LRRC53: variants seen among roughly 807,000 people sequenced by gnomAD.
The protein encoded by LRRC53 is leucine-rich repeat-containing protein 53.
In LRRC53, 25 loss-of-function variants were observed where a neutral mutation model predicts 13.6. That is an observed-to-expected ratio of 1.83 (90% CI 1.34 to 2.56). The LOEUF (loss-of-function observed/expected upper bound fraction) is 2.56, where lower values mean the gene tolerates loss of function less well. Ranked by LOEUF, LRRC53 falls within the 30% of genes most tolerant of loss-of-function variation. The pLI is 0.00. For missense variants in LRRC53, 527 were observed against 275.8 expected (o/e 1.91, Z -6.45); for synonymous variants, 204 against 109.8 (o/e 1.86, Z -5.37).
At chr1:74,475,173 G>T (rs1445980021) in intron 4 of LRRC53, 122 bp downstream of exon 4, 1 of 498,862 alleles carries the variant, frequency 2.0e-6, no homozygotes, top group African/African-American at 2.1e-5. Context: ...TTTTAGAAAA[G>T]GAATAGACTA....
At chr1:74,503,786 G>A (rs748895414) in intron 1 of LRRC53, among the ~76,000 whole-genome samples, 10 of 152,128 alleles carry the variant, frequency 6.6e-5, no homozygotes, top group Admixed American at 2.6e-4. Context: ...TTCTTGAAAT[G>A]CCCATAGGTT....
chr1:74,526,094 G>A, the LRRC53 span, among the ~76,000 whole-genome samples: 1 of 152,158 alleles, frequency 6.6e-6, no homozygotes, highest in East Asian at 1.9e-4. Context: ...CCTCCTTAGG[G>A]TATTTCAAAT....
chr1:74,499,749 C>A (rs1220534501), intron 1 of LRRC53, among the ~76,000 whole-genome samples: 2 of 152,026 alleles, frequency 1.3e-5, no homozygotes, highest in African/African-American at 2.4e-5. Flanking sequence ...GATCTGACAT[C>A]TTTATAATAT....
the LRRC53 span, among the ~76,000 whole-genome samples, chr1:74,528,223 G>A: frequency 6.6e-6 from 1 of 152,164 alleles, no homozygotes; most frequent in Non-Finnish European, 1.5e-5. Context: ...AAGGAAGTTG[G>A]AGCATAAGGG....
chr1:74,530,266 A>T, the LRRC53 span, among the ~76,000 whole-genome samples: 1 of 152,232 alleles, frequency 6.6e-6, no homozygotes, highest in Non-Finnish European at 1.5e-5. Flanking sequence ...AGAGATAGGG[A>T]TATAGCCATA....
the LRRC53 span, among the ~76,000 whole-genome samples, chr1:74,524,756 TA>T: frequency 1.0e-4 from 14 of 137,380 alleles, no homozygotes; most frequent in South Asian, 4.6e-4. Flanking sequence ...TTTAAAAAAG[TA>T]AAAAAAAAAA....
intron 3 of LRRC53, among the ~76,000 whole-genome samples, chr1:74,478,476 A>C (rs1470945675): frequency 2.0e-5 from 3 of 152,190 alleles, no homozygotes; most frequent in Non-Finnish European, 2.9e-5. Context: ...AACAGATGTA[A>C]AAGTAACTAA....
At chr1:74,535,454 A>G in the LRRC53 span, among the ~76,000 whole-genome samples, 2 of 152,146 alleles carry the variant, frequency 1.3e-5, no homozygotes, top group East Asian at 3.9e-4. Flanking sequence ...TGGGTGACTG[A>G]GAGGGACCGT....
intron 1 of LRRC53, among the ~76,000 whole-genome samples, chr1:74,510,594 G>A (rs779643419): frequency 6.6e-6 from 1 of 152,164 alleles, no homozygotes; most frequent in Non-Finnish European, 1.5e-5. Context: ...AAATTAAACA[G>A]CACCTTGTCT....
At chr1:74,473,530 C>CT (rs1309147266) in intron 4 of LRRC53, among the ~76,000 whole-genome samples, 2 of 99,826 alleles carry the variant, frequency 2.0e-5, no homozygotes, top group African/African-American at 7.7e-5. Context: ...ATTTAAAAGG[C>CT]TATTTTTTTT....
At chr1:74,489,274 G>C in intron 1 of LRRC53, 1 of 1,600,590 alleles carries the variant, frequency 6.2e-7, no homozygotes, top group Non-Finnish European at 8.5e-7. Flanking sequence ...TCTGAAATAT[G>C]TCCATAAAAA....
Position 74,471,145 on chromosome 1 carries a change from C to T in LRRC53, c.2477G>A (p.Cys826Tyr), listed in dbSNP as rs1667913354. 3 of 400,696 alleles carry T rather than the reference C, an allele frequency of 7.5e-6. No individual in the cohort carries two copies. Among genetic ancestry groups the T allele is most frequent in the Admixed American group, 4.4e-5 (1 of 22,738 alleles). 24.8% of individuals were successfully genotyped at this position (400,696 alleles called of 1,614,324 possible). ...VVNQSSIESS[C>Y]YSAGHIPDGN... ...ATCAGGAATGTGGCCAGCTGAGTAA[C>T]AGCTGCTTTCTATAGAGCTCTGGTT... Residue 826 changes from cysteine to tyrosine, a missense_variant, in exon 5 of 5, where the codon TGT becomes TAT. By Grantham distance (194) the Cys-to-Tyr change is radical. Transcript: ENST00000294635.
At chr1:74,507,309 T>C (rs770512066) in intron 1 of LRRC53, among the ~76,000 whole-genome samples, 1 of 147,878 alleles carries the variant, frequency 6.8e-6, no homozygotes, top group Non-Finnish European at 1.5e-5. Context: ...CTGTAGGAAG[T>C]TGTCCTAAAT....
Position 74,470,885 on chromosome 1 carries a change from A to G in LRRC53, c.2737T>C (p.Ser913Pro). The part of the protein sequence containing the change: ...ESTEHMGQNV[S>P]KTSELNQFSL... The stretch of plus-strand genomic sequence containing the variant: ...AACTGATTTAACTCACTGGTCTTTG[A>G]TACATTCTGTCCCATGTGCTCAGTG... The change falls in exon 5 of 5, where the codon TCA (serine) becomes CCA (proline). Residue 913 changes from serine (S) to proline (P), a missense_variant. By Grantham distance (74) the Ser-to-Pro change is moderately conservative. Transcript: ENST00000294635. 2.5e-6 allele frequency: 1 copy of G among 400,678 alleles called. No individual in the cohort carries two copies. Among genetic ancestry groups the G allele is most frequent in the East Asian group, 3.6e-5 (1 of 28,064 alleles). 24.8% of individuals were successfully genotyped at this position (400,678 alleles called of 1,614,324 possible). A position where few individuals can be genotyped will look rare whatever the true frequency, so the allele number is the denominator to read the frequency against.
At chr1:74,535,860 C>CT in the LRRC53 span, among the ~76,000 whole-genome samples, 26 of 152,272 alleles carry the variant, frequency 1.7e-4, no homozygotes, top group Middle Eastern at 3.4e-3. Flanking sequence ...CCCCTTCTTA[C>CT]TTACAAAGCA....
chr1:74,531,034 A>C, the LRRC53 span, among the ~76,000 whole-genome samples: 1 of 152,302 alleles, frequency 6.6e-6, no homozygotes, highest in African/African-American at 2.4e-5. Flanking sequence ...AAATGGGGGA[A>C]GCTGAGACCT....
At position 74,480,150 on chromosome 1, in the gene LRRC53, T is replaced by C. The variant is rs1668409154; in HGVS notation, c.904+3A>G. On this transcript the variant is annotated splice_donor_region_variant and intron_variant, in intron 3 of 4. Coordinates refer to ENST00000294635, the MANE Select transcript of LRRC53 (RefSeq NM_001382280.1). ...GAGGAGGGCACACTTCTCCCCGGCATACCTGCGAAGCCAAGGACAGTCAGC... is the reference window on the plus strand; with the variant it reads ...GAGGAGGGCACACTTCTCCCCGGCACACCTGCGAAGCCAAGGACAGTCAGC... 2.8e-6 allele frequency: 2 copies of C among 713,932 alleles called. No homozygotes were observed. The highest frequency in any genetic ancestry group is 3.0e-5 in the South Asian group (2 of 67,248). 44.2% of individuals were successfully genotyped at this position (713,932 alleles called of 1,614,324 possible).
chr1:74,525,787 G>A, the LRRC53 span, among the ~76,000 whole-genome samples: 1 of 152,176 alleles, frequency 6.6e-6, no homozygotes, highest in African/African-American at 2.4e-5. Context: ...GGGAGCAGCA[G>A]TTGGCCCAGC....
At chr1:74,526,428 G>C in the LRRC53 span, among the ~76,000 whole-genome samples, 17 of 152,090 alleles carry the variant, frequency 1.1e-4, no homozygotes, top group Non-Finnish European at 2.1e-4. Flanking sequence ...TTAAAAGCTT[G>C]GGCTCAGATG....
Sources: gnomAD v4.1 joint callset for allele counts (sites outside exome capture counted in the v4.1 genomes callset) on GRCh38, gnomAD v4.1.1 for gene constraint, MANE v1.5 for transcripts, NCBI Gene and HGNC (gene_info 2026-07-23, HGNC 2026-07-21) for gene names.